The following NPHP4 variants were observed in gnomAD, a reference collection of about 807,000 sequenced individuals.
NPHP4 encodes nephrocystin-4.
In NPHP4, 151 loss-of-function variants were observed where a neutral mutation model predicts 155.8. The ratio of observed to expected loss-of-function variants is 0.97; its 90% confidence interval spans 0.85 to 1.11. The LOEUF (loss-of-function observed/expected upper bound fraction) is 1.11, where lower values mean the gene tolerates loss of function less well. Among genes scored for constraint, NPHP4 ranks in the 50% least tolerant of loss-of-function variants. The probability of loss-of-function intolerance (pLI) is 0.00; values close to 1 mark genes in which losing one functional copy is unlikely to be tolerated. For synonymous variants in NPHP4, 845 were observed against 816.8 expected, an observed-to-expected ratio of 1.03 and a Z score of -0.59; for missense variants, 1,956 against 1,925.7, an observed-to-expected ratio of 1.02 and a Z score of -0.29.
chr1:5,904,426 G>C (rs944713246), intron 16 of NPHP4, among the ~76,000 whole-genome samples, 191 bp downstream of exon 16: 1 of 152,172 alleles, frequency 6.6e-6, no homozygotes, highest in Non-Finnish European at 1.5e-5. Context: ...CCCTGGCTTG[G>C]GGGAGGACGC....
chr1:5,886,926 A>T, intron 18 of NPHP4: 1 of 218,364 alleles, frequency 4.6e-6, no homozygotes, highest in Non-Finnish European at 9.0e-6. Context: ...GAAGTTAGGA[A>T]CACTTCCCTT....
chr1:5,928,311 T>C (rs908479417), intron 10 of NPHP4, among the ~76,000 whole-genome samples: 1 of 152,244 alleles, frequency 6.6e-6, no homozygotes, highest in Non-Finnish European at 1.5e-5. Context: ...TGGAATCACA[T>C]AATGTATAAC....
intron 16 of NPHP4, among the ~76,000 whole-genome samples, chr1:5,902,183 A>G (rs1570347061): frequency 6.6e-6 from 1 of 152,330 alleles, no homozygotes; most frequent in East Asian, 1.9e-4. Flanking sequence ...CTAACTAACT[A>G]ACTAGGCTGC....
chr1:5,927,566 C>A (rs1483095637), intron 11 of NPHP4, 83 bp downstream of exon 11: 4 of 1,418,016 alleles, frequency 2.8e-6, no homozygotes, highest in Non-Finnish European at 3.9e-6. Flanking sequence ...GATTACCGTA[C>A]TAGACTAAGT....
chr1:5,863,733 C>T (rs1640881346), intron 29 of NPHP4, 157 bp downstream of exon 29: 9 of 756,374 alleles, frequency 1.2e-5, no homozygotes, highest in East Asian at 2.7e-5. Flanking sequence ...AAAGATACAA[C>T]GGGCCCACCC....
intron 23 of NPHP4, among the ~76,000 whole-genome samples, chr1:5,871,268 C>T (rs556712377): frequency 2.0e-4 from 30 of 152,230 alleles, no homozygotes; most frequent in Admixed American, 1.8e-3. Flanking sequence ...AAAAAAGGCA[C>T]AGGAGTTAAC....
chr1:5,911,458 T>G (rs1645176487), intron 11 of NPHP4, among the ~76,000 whole-genome samples: 1 of 152,236 alleles, frequency 6.6e-6, no homozygotes, highest in African/African-American at 2.4e-5. Flanking sequence ...TCCGTGCCTG[T>G]GTGCGTCCTC....
In NPHP4 at chr1:5,887,273, T is replaced by TGG; in HGVS notation, c.2485+11_2485+12dup. 6.2e-7 allele frequency: 1 copy of TGG among 1,608,958 alleles called. No homozygotes were observed. The highest frequency in any genetic ancestry group is 8.5e-7 in the Non-Finnish European group (1 of 1,177,680). The stretch of plus-strand genomic sequence containing the variant: ...GGCCGCTGGAGAAATGGCACAAGGC[T>TGG]GGGGACTCTTACCCACGTTGGCCAA... On this transcript the variant is annotated intron_variant, in intron 18 of 29. Coordinates refer to ENST00000378156, the MANE Select transcript of NPHP4 (RefSeq NM_015102.5).
intron 18 of NPHP4, among the ~76,000 whole-genome samples, chr1:5,884,253 C>A (rs1302457296): frequency 1.3e-5 from 2 of 152,160 alleles, no homozygotes. Flanking sequence ...TGGACCAAAG[C>A]CCGCCACCGC....
chr1:5,904,327 T>C (rs1452858608), intron 16 of NPHP4, among the ~76,000 whole-genome samples: 1 of 152,258 alleles, frequency 6.6e-6, no homozygotes, highest in African/African-American at 2.4e-5. Context: ...GTTTATGTTT[T>C]TCAAATGAGA....
intron 7 of NPHP4, among the ~76,000 whole-genome samples, chr1:5,950,737 G>T (rs895863455): frequency 6.6e-6 from 1 of 152,120 alleles, no homozygotes; most frequent in African/African-American, 2.4e-5. Context: ...AGCCCCCAGC[G>T]GACCAGCCAA....
intron 18 of NPHP4, among the ~76,000 whole-genome samples, chr1:5,884,509 C>A (rs1335209481): frequency 1.5e-4 from 16 of 109,460 alleles, no homozygotes; most frequent in East Asian, 8.8e-4. Context: ...CAACCAAGAT[C>A]ACTGCCCAAG....
Position 5,868,988 on chromosome 1 carries a change from C to A in NPHP4, c.3316-1092G>T, listed in dbSNP as rs1356991438. ...ACACACATGCACACACATCCACCCACACATGCACACACACGCACCCATACA... is the reference window on the plus strand; with the variant it reads ...ACACACATGCACACACATCCACCCAAACATGCACACACACGCACCCATACA... On this transcript the variant is annotated intron_variant, in intron 23 of 29. Coordinates refer to ENST00000378156, the MANE Select transcript of NPHP4 (RefSeq NM_015102.5). 2.7e-5 allele frequency among the ~76,000 whole-genome samples: 4 copies of A among 146,686 alleles called. No individual in the cohort carries two copies. The South Asian group carries it at 6.7e-4, about 25-fold the overall frequency.
chr1:5,962,518 G>A (rs1650522223), intron 5 of NPHP4, among the ~76,000 whole-genome samples: 1 of 152,192 alleles, frequency 6.6e-6, no homozygotes, highest in South Asian at 2.1e-4. Context: ...GCCTTTGTGT[G>A]TCAGCACTTG....
chr1:5,873,418 C>G, intron 22 of NPHP4, 83 bp from the exon 23 acceptor site: 1 of 1,116,256 alleles, frequency 9.0e-7, no homozygotes, highest in African/African-American at 1.5e-5. Context: ...ACCACTGCCA[C>G]CCAGCTGGGA....
chr1:5,918,010 C>A (rs1241942342), intron 11 of NPHP4, among the ~76,000 whole-genome samples: 1 of 152,178 alleles, frequency 6.6e-6, no homozygotes, highest in African/African-American at 2.4e-5. Flanking sequence ...GCGCACGCAG[C>A]GAGAGTGAGA....
intron 6 of NPHP4, among the ~76,000 whole-genome samples, chr1:5,958,117 G>T (rs185613782): frequency 1.1e-3 from 168 of 152,348 alleles, no homozygotes; most frequent in Non-Finnish European, 1.8e-3. Context: ...AGACTAGAAG[G>T]GAAGACTTTC....
rs761031306 is a variant in NPHP4 at position 5,909,137 on chromosome 1, G to A, written c.1503+15C>T. 21 of 1,585,888 alleles carry A rather than the reference G, an allele frequency of 1.3e-5. No homozygotes were observed. Among genetic ancestry groups the A allele is most frequent in the East Asian group, 6.8e-5 (3 of 43,808 alleles). On this transcript the variant is annotated intron_variant, in intron 12 of 29. Transcript: ENST00000378156. ...TCTGGAATTCTGAAGGAGGCCGTGG[G>A]GGGCCTGGACTTACCCCTGGTCCCA... is the stretch of plus-strand genomic sequence containing the variant.
intron 23 of NPHP4, among the ~76,000 whole-genome samples, chr1:5,871,736 C>A (rs1211960562): frequency 1.3e-5 from 2 of 152,204 alleles, no homozygotes; most frequent in Non-Finnish European, 2.9e-5. Context: ...GGTCTGCCCA[C>A]TGAGCAACTC....
Sources: allele counts gnomAD v4.1 joint callset (sites outside exome capture counted in the v4.1 genomes callset), GRCh38; gene constraint gnomAD v4.1.1; transcripts MANE v1.5; gene names NCBI Gene and HGNC (gene_info 2026-07-23, HGNC 2026-07-21).